ZNF608: variants seen among roughly 807,000 people sequenced by gnomAD.
The protein encoded by ZNF608 is zinc finger protein 608.
Under a neutral mutation model 109.0 loss-of-function variants are expected in ZNF608, and 12 were observed. That is an observed-to-expected ratio of 0.11 (90% CI 0.07 to 0.18). ZNF608 has a LOEUF of 0.18. ZNF608 is among the 10% of genes least tolerant of loss of function. The probability of loss-of-function intolerance (pLI) is 1.00; values close to 1 mark genes in which losing one functional copy is unlikely to be tolerated. For missense variants in ZNF608, 1,707 were observed against 1,879.3 expected (o/e 0.91, Z 1.70); for synonymous variants, 732 against 717.4 (o/e 1.02, Z -0.33).
At chr5:124,665,176 C>T (rs1165270770) in intron 3 of ZNF608, among the ~76,000 whole-genome samples, 2 of 143,082 alleles carry the variant, frequency 1.4e-5, no homozygotes, top group South Asian at 2.2e-4. Flanking sequence ...ACTCCACCTC[C>T]CCCCAAAAAA....
Position 124,648,440 on chromosome 5 carries a change from T to A in ZNF608, c.1944A>T (p.Pro648=), listed in dbSNP as rs1018123050. 1 of 1,614,082 alleles carries A rather than the reference T, an allele frequency of 6.2e-7. No homozygotes were observed. Among genetic ancestry groups the A allele is most frequent in the Non-Finnish European group, 8.5e-7 (1 of 1,180,044 alleles). The change falls in exon 5 of 10, where the codon CCA becomes CCT. Residue 648 remains proline (P), a synonymous_variant. Coordinates refer to ENST00000513986, the MANE Select transcript of ZNF608 (RefSeq NM_020747.3). ...KGKRELMSNG[P]GSIIGAKAGK... is the part of the protein sequence containing the mutation. ...CAGCTTTAGCACCAATAATGGAACC[T>A]GGGCCATTGCTCATCAGCTCTCTCT...
chr5:124,701,120 G>C lies in ZNF608; in HGVS notation c.1056C>G (p.Val352=). The change falls in exon 3 of 10, where the codon GTC becomes GTG. Residue 352 remains valine, a synonymous_variant. Transcript: ENST00000513986. Reference sequence around the variant, plus strand: ...TCACTACTCCAACTTCACATGTATTGACACCCACAGAACGAGTCCGAACCA... The same window carrying C: ...TCACTACTCCAACTTCACATGTATTCACACCCACAGAACGAGTCCGAACCA... The part of the protein sequence containing the change: ...QLLVRTRSVG[V]NTCEVGVVTE... The C allele has an allele frequency of 2.4e-5, 39 of 1,614,112 alleles. No homozygotes were observed. Among genetic ancestry groups the C allele is most frequent in the Non-Finnish European group, 3.3e-5 (39 of 1,180,014 alleles).
chr5:124,708,655 A>G (rs1753356460), intron 2 of ZNF608: 1 of 450,802 alleles, frequency 2.2e-6, no homozygotes, highest in Non-Finnish European at 4.4e-6. Context: ...ATCCAATTCT[A>G]AAACTACCGT....
intron 2 of ZNF608, among the ~76,000 whole-genome samples, chr5:124,734,213 C>T (rs1276250876): frequency 3.9e-5 from 6 of 152,142 alleles, no homozygotes; most frequent in African/African-American, 9.7e-5. Flanking sequence ...CAGTAAATTT[C>T]GCCGTTTACA....
At chr5:124,713,126 T>C (rs1753564669) in intron 2 of ZNF608, among the ~76,000 whole-genome samples, 1 of 152,228 alleles carries the variant, frequency 6.6e-6, no homozygotes, top group Non-Finnish European at 1.5e-5. Flanking sequence ...CACTGGTCCC[T>C]GAACAGAGAG....
chr5:124,712,914 A>G (rs1753552788), intron 2 of ZNF608, among the ~76,000 whole-genome samples: 1 of 152,188 alleles, frequency 6.6e-6, no homozygotes, highest in African/African-American at 2.4e-5. Flanking sequence ...ATGATCTTTG[A>G]GAAACCAGAT....
At chr5:124,726,673 A>G (rs1754151648) in intron 2 of ZNF608, among the ~76,000 whole-genome samples, 1 of 151,906 alleles carries the variant, frequency 6.6e-6, no homozygotes, top group Non-Finnish European at 1.5e-5. Context: ...AAAAAAAAAA[A>G]AAAAAAAAAA....
In ZNF608 at chr5:124,647,107, A is replaced by G; in HGVS notation, c.3277T>C (p.Ser1093Pro). Residue 1093 changes from serine (S) to proline (P), a missense_variant, in exon 5 of 10, where the codon TCT becomes CCT. Transcript: ENST00000513986. ...TAGGCAGGGCTGGTGGCCATCAGAGACTTCTGGTCCATATAGAGCCCATAT... is the reference window on the plus strand; with the variant it reads ...TAGGCAGGGCTGGTGGCCATCAGAGGCTTCTGGTCCATATAGAGCCCATAT... ...YAYGLYMDQK[S>P]LMATSPAYRQ... The G allele has an allele frequency of 6.2e-7, 1 of 1,614,070 alleles. No homozygotes were observed. The highest frequency in any genetic ancestry group is 8.5e-7 in the Non-Finnish European group (1 of 1,180,012).
rs1332703262 is a variant in ZNF608, at chr5:124,647,462, A to C, written c.2922T>G (p.Ser974Arg). Reference sequence around the variant, plus strand: ...TAGTTGAAGAATGCCCTTTTACAACACTGTCCTTACTAGAAATAATATCTG... The same window carrying C: ...TAGTTGAAGAATGCCCTTTTACAACCCTGTCCTTACTAGAAATAATATCTG... ...SPSDIISSKD[S>R]VVKGHSSTTA... The change falls in exon 5 of 10, where the codon AGT becomes AGG. Residue 974 changes from serine to arginine, a missense_variant. Coordinates refer to ENST00000513986, the MANE Select transcript of ZNF608 (RefSeq NM_020747.3). The C allele has an allele frequency of 6.8e-6, 11 of 1,614,236 alleles. No homozygotes were observed. The highest frequency in any genetic ancestry group is 8.5e-6 in the Non-Finnish European group (10 of 1,180,036).
At chr5:124,731,432 C>T (rs1007047215) in intron 2 of ZNF608, among the ~76,000 whole-genome samples, 1 of 150,464 alleles carries the variant, frequency 6.6e-6, no homozygotes, top group Non-Finnish European at 1.5e-5. Flanking sequence ...AGGCTGGTCT[C>T]GAACTCCTGA....
intron 4 of ZNF608, 83 bp downstream of exon 4, chr5:124,649,527 T>G: frequency 8.6e-7 from 1 of 1,160,912 alleles, no homozygotes; most frequent in Non-Finnish European, 1.2e-6. Flanking sequence ...ACAGGCACAC[T>G]TTTATGTATT....
Position 124,644,386 on chromosome 5 carries a change from T to C in ZNF608, c.3981A>G (p.Gly1327=). ...TGGGTGAGGAGACAGCCACTCTTGT[T>C]CCCCGAGAGTCCTTCCAGTTCACAG... The part of the protein sequence containing the change: ...KTPVNWKDSR[G]TRVAVSSPMS... The change falls in exon 6 of 10, where the codon GGA becomes GGG. Residue 1327 remains glycine (G), a synonymous_variant. Transcript: ENST00000513986. 2.5e-6 allele frequency: 4 copies of C among 1,614,138 alleles called. No homozygotes were observed. In the South Asian group the frequency reaches 3.3e-5, roughly 13 times the overall value.
At chr5:124,685,114 C>T (rs1262090244) in intron 3 of ZNF608, among the ~76,000 whole-genome samples, 5 of 151,344 alleles carry the variant, frequency 3.3e-5, no homozygotes. Flanking sequence ...TAACTTCTCA[C>T]ATGCTTTTGA....
chr5:124,644,528 C>A lies in ZNF608; in HGVS notation c.3839G>T (p.Gly1280Val), dbSNP rs1178741828. ...TAACGATACAGGAAGGCTGGGCACACCACTCTCTTTATTAGGAGTTTTCCT... is the reference window on the plus strand; with the variant it reads ...TAACGATACAGGAAGGCTGGGCACAACACTCTCTTTATTAGGAGTTTTCCT... ...SPRKTPNKESGVPSLPVSLTS... is the reference protein window; with the variant it reads ...SPRKTPNKESVVPSLPVSLTS... The change falls in exon 6 of 10, where the codon GGT becomes GTT. Residue 1280 changes from glycine (G) to valine (V), a missense_variant. By Grantham distance (109) the Gly-to-Val change is moderately radical. Around this residue, in one of 7 missense-constraint regions of ZNF608, gnomAD observed 1,073 missense variants for 1,133.5 expected, o/e 0.95. Coordinates refer to ENST00000513986, the MANE Select transcript of ZNF608 (RefSeq NM_020747.3). 2 of 1,614,162 alleles carry A rather than the reference C, an allele frequency of 1.2e-6. No individual in the cohort carries two copies. Among genetic ancestry groups the A allele is most frequent in the East Asian group, 2.2e-5 (1 of 44,880 alleles).
upstream of ZNF608, chr5:124,746,806 G>T: frequency 2.0e-6 from 2 of 984,458 alleles, no homozygotes; most frequent in Non-Finnish European, 2.4e-6. Context: ...AAAGGAGGGG[G>T]GGAGTAGAGG....
intron 3 of ZNF608, among the ~76,000 whole-genome samples, chr5:124,693,779 C>T (rs1020634130): frequency 1.3e-5 from 2 of 152,004 alleles, no homozygotes; most frequent in Non-Finnish European, 2.9e-5. Flanking sequence ...ATTCCCTCAT[C>T]GGGAAAGCAT....
At chr5:124,669,169 A>C (rs1298429819) in intron 3 of ZNF608, among the ~76,000 whole-genome samples, 1 of 152,172 alleles carries the variant, frequency 6.6e-6, no homozygotes, top group African/African-American at 2.4e-5. Context: ...TAGCACCTTC[A>C]TAAGACAGGG....
At chr5:124,742,137 A>G (rs1332845197) in intron 2 of ZNF608, among the ~76,000 whole-genome samples, 3 of 152,224 alleles carry the variant, frequency 2.0e-5, no homozygotes, top group Admixed American at 1.3e-4. Flanking sequence ...ATGTATATGA[A>G]TAATTTAATT....
At chr5:124,729,569 C>T (rs2149890295) in intron 2 of ZNF608, among the ~76,000 whole-genome samples, 1 of 152,278 alleles carries the variant, frequency 6.6e-6, no homozygotes, top group Admixed American at 6.5e-5. Flanking sequence ...TTGGTTCGTG[C>T]TGTTACAACA....
Sources: allele counts gnomAD v4.1 joint callset (sites outside exome capture counted in the v4.1 genomes callset), GRCh38; gene constraint gnomAD v4.1.1; regional missense constraint gnomAD v4.1.1; transcripts MANE v1.5; gene names NCBI Gene and HGNC (gene_info 2026-07-23, HGNC 2026-07-21).